The following EDA variants were observed in gnomAD, a reference collection of about 807,000 sequenced individuals.
EDA encodes the protein ectodysplasin A.
EDA carries 2 observed loss-of-function variants against 23.6 expected under a neutral mutation model. That is an observed-to-expected ratio of 0.08 (90% CI 0.03 to 0.27). The LOEUF is 0.27. EDA is among the 10% of genes least tolerant of loss of function. EDA has a pLI of 1.00. For synonymous variants in EDA, 131 were observed against 132.0 expected (o/e 0.99, Z 0.05); for missense variants, 229 against 324.2 (o/e 0.71, Z 2.26).
At chrX:69,698,756 G>T (rs1474730847) in intron 1 of EDA, among the ~76,000 whole-genome samples, 1 of 111,107 alleles carries the variant, frequency 9.0e-6, no homozygotes, top group Non-Finnish European at 1.9e-5. Context: ...CCTGAAGATT[G>T]GGGCCTGTAG....
At chrX:69,970,791 C>T (rs2019237068) in intron 2 of EDA, among the ~76,000 whole-genome samples, 1 of 110,972 alleles carries the variant, frequency 9.0e-6, no homozygotes, top group African/African-American at 3.3e-5. Context: ...ACGAAGTAGA[C>T]CTTAATTACC....
chrX:69,857,844 A>G (rs1230019505), intron 1 of EDA, among the ~76,000 whole-genome samples: 1 of 112,179 alleles, frequency 8.9e-6, no homozygotes. Flanking sequence ...TTTTCACAAT[A>G]TTGATTCTAT....
At chrX:69,876,257 G>A (rs1408507693) in intron 1 of EDA, among the ~76,000 whole-genome samples, 1 of 105,046 alleles carries the variant, frequency 9.5e-6, no homozygotes, top group African/African-American at 3.4e-5. Context: ...CAGTTAACGA[G>A]TGGATAAAGA....
intron 1 of EDA, among the ~76,000 whole-genome samples, chrX:69,773,755 T>A (rs1232759290): frequency 1.8e-5 from 2 of 111,652 alleles, no homozygotes; most frequent in East Asian, 2.8e-4. Context: ...AGTTTGTGTG[T>A]TTGTGTGTTG....
intron 1 of EDA, among the ~76,000 whole-genome samples, chrX:69,891,730 TG>T (rs202006364): frequency 0.082 from 8,998 of 109,627 alleles, 1,048 homozygotes; most frequent in East Asian, 0.74. Context: ...CATGGACACA[TG>T]GGGGGAAGAA....
chrX:69,775,525 T>C (rs1415638469), intron 1 of EDA, among the ~76,000 whole-genome samples: 2 of 111,745 alleles, frequency 1.8e-5, no homozygotes, highest in East Asian at 5.6e-4. Flanking sequence ...ACTTTTTTGA[T>C]GTCTTCTGGA....
chrX:69,814,184 A>C (rs1249018584), intron 1 of EDA, among the ~76,000 whole-genome samples: 4 of 112,848 alleles, frequency 3.5e-5, no homozygotes, highest in Non-Finnish European at 7.5e-5. Context: ...AGGAGTGTGC[A>C]TATGTACCCA....
intron 1 of EDA, among the ~76,000 whole-genome samples, chrX:69,645,279 C>T (rs1294214463): frequency 9.2e-6 from 1 of 109,020 alleles, no homozygotes. Context: ...TTTCAGAACT[C>T]ATTATTGGTC....
intron 1 of EDA, among the ~76,000 whole-genome samples, chrX:69,881,743 A>G (rs762338982): frequency 8.9e-6 from 1 of 112,242 alleles, no homozygotes; most frequent in South Asian, 3.7e-4. Context: ...TGCCAACTGT[A>G]CAGACATGGC....
chrX:69,895,031 A>T (rs1358183386), intron 1 of EDA, among the ~76,000 whole-genome samples: 1 of 111,008 alleles, frequency 9.0e-6, no homozygotes, highest in Non-Finnish European at 1.9e-5. Flanking sequence ...AATCAGTATG[A>T]TGTGGCTATG....
intron 1 of EDA, among the ~76,000 whole-genome samples, chrX:69,749,115 A>G (rs1191469472): frequency 1.5e-5 from 1 of 66,013 alleles, no homozygotes; most frequent in Non-Finnish European, 2.7e-5. Context: ...CAGTCCCCAG[A>G]GTGTGATATT....
chrX:69,654,389 C>T (rs375129293), intron 1 of EDA, among the ~76,000 whole-genome samples: 11 of 111,036 alleles, frequency 9.9e-5, no homozygotes, highest in East Asian at 2.8e-4. Flanking sequence ...GTCAGTGTGG[C>T]GATTCCTCAG....
chrX:69,961,825 T>C (rs1444379387), intron 2 of EDA, among the ~76,000 whole-genome samples: 1 of 112,393 alleles, frequency 8.9e-6, no homozygotes, highest in Non-Finnish European at 1.9e-5. Flanking sequence ...AAAGAAAGTA[T>C]GATACCTTCA....
intron 1 of EDA, among the ~76,000 whole-genome samples, chrX:69,778,203 A>G (rs1295728865): frequency 8.9e-6 from 1 of 111,998 alleles, no homozygotes; most frequent in African/African-American, 3.2e-5. Flanking sequence ...TAATATACTT[A>G]GATTTTAGAA....
intron 6 of EDA, among the ~76,000 whole-genome samples, chrX:70,032,131 C>G (rs1435044562): frequency 9.0e-6 from 1 of 111,249 alleles, no homozygotes; most frequent in Non-Finnish European, 1.9e-5. Context: ...TAGTGGCACA[C>G]ACCTGTAATC....
intron 1 of EDA, among the ~76,000 whole-genome samples, chrX:69,676,324 T>A (rs148331126): frequency 9.0e-6 from 1 of 111,459 alleles, no homozygotes; most frequent in East Asian, 2.8e-4. Flanking sequence ...TGCAGTAAGT[T>A]AGGTGAGAGC....
chrX:69,839,032 C>T (rs1368599382), intron 1 of EDA, among the ~76,000 whole-genome samples: 1 of 111,987 alleles, frequency 8.9e-6, no homozygotes, highest in Non-Finnish European at 1.9e-5. Context: ...ATTTATGAAC[C>T]GAACTAATCA....
intron 1 of EDA, among the ~76,000 whole-genome samples, chrX:69,689,491 G>A (rs948068018): frequency 1.8e-5 from 2 of 108,730 alleles, no homozygotes; most frequent in Non-Finnish European, 1.9e-5. Context: ...ACCCACCACC[G>A]TGCCTGGCTA....
intron 1 of EDA, among the ~76,000 whole-genome samples, chrX:69,804,622 AAGAT>A (rs1212425667): frequency 9.1e-6 from 1 of 110,390 alleles, no homozygotes; most frequent in Non-Finnish European, 1.9e-5. Context: ...TCAACAAAAA[AAGAT>A]AGCTGAATTT....
Sources: allele counts gnomAD v4.1 joint callset (sites outside exome capture counted in the v4.1 genomes callset), GRCh38; gene constraint gnomAD v4.1.1; transcripts MANE v1.5; gene names NCBI Gene and HGNC (gene_info 2026-07-23, HGNC 2026-07-21).